The following CRIM1 variants were observed in gnomAD, a reference collection of about 807,000 sequenced individuals.
CRIM1 encodes cysteine rich transmembrane BMP regulator 1, also known as cysteine-rich motor neuron 1 protein.
CRIM1 carries 32 observed loss-of-function variants against 116.4 expected under a neutral mutation model. The observed-to-expected ratio is 0.27, with a 90% CI of 0.21 to 0.37. The LOEUF is 0.37. Among genes scored for constraint, CRIM1 ranks in the 10% least tolerant of loss-of-function variants. CRIM1 has a pLI of 1.00. For missense variants in CRIM1, 1,331 were observed against 1,354.8 expected, an observed-to-expected ratio of 0.98 and a Z score of 0.28; for synonymous variants, 590 against 509.2, an observed-to-expected ratio of 1.16 and a Z score of -2.13.
intron 4 of CRIM1, among the ~76,000 whole-genome samples, chr2:36,464,321 G>C (rs892356590): frequency 6.6e-6 from 1 of 152,134 alleles, no homozygotes; most frequent in African/African-American, 2.4e-5. Context: ...TTAAAAATTG[G>C]GGTGTACATA....
intron 7 of CRIM1, among the ~76,000 whole-genome samples, chr2:36,488,655 T>G (rs1270881459): frequency 6.6e-6 from 1 of 152,222 alleles, no homozygotes; most frequent in Non-Finnish European, 1.5e-5. Context: ...GAATACCTGT[T>G]TACACCTCAG....
chr2:36,479,337 G>C (rs1679225309), intron 6 of CRIM1, among the ~76,000 whole-genome samples, 160 bp from the exon 7 acceptor site: 1 of 152,136 alleles, frequency 6.6e-6, no homozygotes, highest in Admixed American at 6.5e-5. Flanking sequence ...TCTTTTGCAT[G>C]CACCCCCAGA....
chr2:36,407,782 C>T (rs981922937), intron 2 of CRIM1, among the ~76,000 whole-genome samples: 10 of 151,754 alleles, frequency 6.6e-5, no homozygotes, highest in Non-Finnish European at 4.4e-5. Context: ...GTAAAGGAGC[C>T]TCTTTATTCC....
intron 5 of CRIM1, among the ~76,000 whole-genome samples, chr2:36,475,871 G>T (rs557303743): frequency 2.0e-5 from 3 of 152,082 alleles, no homozygotes; most frequent in African/African-American, 7.2e-5. Context: ...GTGACATATC[G>T]TATTAACATT....
intron 7 of CRIM1, among the ~76,000 whole-genome samples, chr2:36,497,301 A>T (rs969761651): frequency 7.2e-5 from 11 of 152,264 alleles, no homozygotes; most frequent in African/African-American, 2.6e-4. Context: ...TCTCACTGGG[A>T]TAACCTGTGG....
chr2:36,437,907 G>GT (rs1340951425), intron 2 of CRIM1, among the ~76,000 whole-genome samples: 1 of 152,052 alleles, frequency 6.6e-6, no homozygotes, highest in Non-Finnish European at 1.5e-5. Context: ...GCTGAGGCGG[G>GT]TGGATCACAA....
intron 2 of CRIM1, among the ~76,000 whole-genome samples, chr2:36,422,625 G>C (rs1243515530): frequency 1.3e-5 from 2 of 152,146 alleles, no homozygotes; most frequent in Non-Finnish European, 2.9e-5. Flanking sequence ...ATGATACTAT[G>C]TTTTTGCTTC....
chr2:36,419,269 A>T (rs1284430794), intron 2 of CRIM1, among the ~76,000 whole-genome samples: 3 of 152,342 alleles, frequency 2.0e-5, no homozygotes, highest in Non-Finnish European at 4.4e-5. Flanking sequence ...ACATTAAAAC[A>T]TACATATACT....
At position 36,489,777 on chromosome 2, in the gene CRIM1, A is replaced by G. The variant is rs1680089842; in HGVS notation, c.1373-9442A>G. ...CTGTGATGAGTTTGCCCTTGTCCCT[A>G]AAGATCTAGCAAGGCCCCCATCATG... On this transcript the variant is annotated intron_variant, in intron 7 of 16. Coordinates refer to ENST00000280527, the MANE Select transcript of CRIM1 (RefSeq NM_016441.3). Among the ~76,000 whole-genome samples the G allele has an allele frequency of 3.9e-5, 6 of 152,204 alleles. No homozygotes were observed. In the South Asian group the frequency reaches 1.2e-3, roughly 32 times the overall value.
At chr2:36,478,676 T>C (rs1679173958) in intron 6 of CRIM1, among the ~76,000 whole-genome samples, 1 of 152,214 alleles carries the variant, frequency 6.6e-6, no homozygotes, top group African/African-American at 2.4e-5. Context: ...CTCTATGAAC[T>C]GTCTGGATTC....
intron 1 of CRIM1, chr2:36,379,113 A>T (rs1261266810): frequency 6.6e-6 from 1 of 152,162 alleles, no homozygotes; most frequent in Non-Finnish European, 1.5e-5. Context: ...CATTGTACAA[A>T]TTTTAATAAC....
At position 36,522,323 on chromosome 2, in the gene CRIM1, A is replaced by G; in HGVS notation, c.2428+10A>G. 1.9e-6 allele frequency: 3 copies of G among 1,595,894 alleles called. No individual in the cohort carries two copies. The highest frequency in any genetic ancestry group is 2.6e-6 in the Non-Finnish European group (3 of 1,163,508). ...TGTCCCTACTGCATAGGTAAGACCA[A>G]GGAAAAAAAAATCCCTCATCTCTAC... is the stretch of plus-strand genomic sequence containing the variant. On this transcript the variant is annotated intron_variant, in intron 13 of 16. Coordinates refer to ENST00000280527, the MANE Select transcript of CRIM1 (RefSeq NM_016441.3).
intron 2 of CRIM1, among the ~76,000 whole-genome samples, chr2:36,438,768 C>A (rs920344479): frequency 6.6e-6 from 1 of 152,154 alleles, no homozygotes; most frequent in Non-Finnish European, 1.5e-5. Context: ...GACTCAGGAT[C>A]ACAGTAGTGA....
chr2:36,435,749 A>G (rs1675264592), intron 2 of CRIM1, among the ~76,000 whole-genome samples: 1 of 152,126 alleles, frequency 6.6e-6, no homozygotes, highest in South Asian at 2.1e-4. Context: ...TAAAGTGACC[A>G]GGATTGATAG....
At chr2:36,360,962 G>T (rs1359857008) in intron 1 of CRIM1, among the ~76,000 whole-genome samples, 1 of 152,060 alleles carries the variant, frequency 6.6e-6, no homozygotes, top group Non-Finnish European at 1.5e-5. Context: ...CAAGCAGAGG[G>T]CCTATAACAT....
intron 13 of CRIM1, among the ~76,000 whole-genome samples, chr2:36,532,601 T>A (rs1201300712): frequency 1.3e-5 from 2 of 152,198 alleles, no homozygotes; most frequent in Non-Finnish European, 2.9e-5. Flanking sequence ...ACAGCTTGTT[T>A]GTGTGGCACT....
At chr2:36,428,660 ATCT>A (rs2124890503) in intron 2 of CRIM1, among the ~76,000 whole-genome samples, 1 of 152,364 alleles carries the variant, frequency 6.6e-6, no homozygotes, top group Admixed American at 6.5e-5. Flanking sequence ...ATGAGTAAGA[ATCT>A]TCTATCTTGT....
chr2:36,361,134 G>A (rs1028746379), intron 1 of CRIM1, among the ~76,000 whole-genome samples: 1 of 152,194 alleles, frequency 6.6e-6, no homozygotes, highest in African/African-American at 2.4e-5. Context: ...CAGGCTTATA[G>A]AATCTTCCCT....
At chr2:36,487,706 C>T (rs988913781) in intron 7 of CRIM1, among the ~76,000 whole-genome samples, 1 of 152,080 alleles carries the variant, frequency 6.6e-6, no homozygotes, top group African/African-American at 2.4e-5. Flanking sequence ...AGAATTTTAA[C>T]ATGAACAGCA....
Sources: allele counts gnomAD v4.1 joint callset (sites outside exome capture counted in the v4.1 genomes callset), GRCh38; gene constraint gnomAD v4.1.1; transcripts MANE v1.5; gene names NCBI Gene and HGNC (gene_info 2026-07-23, HGNC 2026-07-21).